Variants in RAD51B observed in about 807,000 individuals in gnomAD.
RAD51B encodes the protein DNA repair protein RAD51 homolog 2.
A neutral mutation model predicts 42.2 loss-of-function variants in RAD51B; 38 were observed. The ratio of observed to expected loss-of-function variants is 0.90; its 90% CI spans 0.70 to 1.18. The LOEUF (loss-of-function observed/expected upper bound fraction) is 1.18, where lower values mean the gene tolerates loss of function less well. Among genes scored for constraint, RAD51B ranks in the 50% most tolerant of loss-of-function variants. The pLI is 0.00. For missense variants in RAD51B, 373 were observed against 400.7 expected (o/e 0.93, Z 0.59); for synonymous variants, 154 against 145.2 (o/e 1.06, Z -0.43).
chr14:67,824,908 C>G (rs904917481), intron 2 of RAD51B, among the ~76,000 whole-genome samples: 8 of 151,112 alleles, frequency 5.3e-5, no homozygotes, highest in African/African-American at 1.9e-4. Flanking sequence ...GAACTCTTGT[C>G]TCTACTAAAA....
At chr14:68,490,972 G>A (rs540035602) in intron 10 of RAD51B, among the ~76,000 whole-genome samples, 18 of 152,342 alleles carry the variant, frequency 1.2e-4, no homozygotes, top group African/African-American at 4.1e-4. Flanking sequence ...TAACATGGTA[G>A]AAGCAAAACT....
intron 7 of RAD51B, among the ~76,000 whole-genome samples, chr14:68,085,919 TCTAG>T (rs1423801355): frequency 6.6e-6 from 1 of 152,072 alleles, no homozygotes. Flanking sequence ...CATGGCAGCG[TCTAG>T]GGGTGAATGT....
intron 7 of RAD51B, among the ~76,000 whole-genome samples, chr14:67,911,379 C>T (rs2043974011): frequency 6.6e-6 from 1 of 152,134 alleles, no homozygotes; most frequent in African/African-American, 2.4e-5. Flanking sequence ...AAGTCATATG[C>T]ACACAAAAGC....
chr14:68,502,598 C>T (rs562182847), intron 10 of RAD51B, among the ~76,000 whole-genome samples: 5 of 152,330 alleles, frequency 3.3e-5, no homozygotes, highest in African/African-American at 9.6e-5. Flanking sequence ...TGATGAGTGC[C>T]TACCTTTCGG....
intron 10 of RAD51B, among the ~76,000 whole-genome samples, chr14:68,604,251 C>T (rs985566285): frequency 6.6e-6 from 1 of 151,844 alleles, no homozygotes; most frequent in Non-Finnish European, 1.5e-5. Context: ...GCTGAAACTC[C>T]GAGAAACTCC....
chr14:68,149,110 T>C (rs1009625637), intron 7 of RAD51B, among the ~76,000 whole-genome samples: 1 of 152,188 alleles, frequency 6.6e-6, no homozygotes, highest in Admixed American at 6.5e-5. Context: ...GCAAGTCCTT[T>C]ATCAGATAGG....
At chr14:68,297,262 A>C (rs1213872834) in intron 8 of RAD51B, among the ~76,000 whole-genome samples, 1 of 152,214 alleles carries the variant, frequency 6.6e-6, no homozygotes, top group East Asian at 1.9e-4. Context: ...CTTGCTTTCC[A>C]GCTGGATCTG....
chr14:68,511,980 G>A (rs1045123862), intron 10 of RAD51B, among the ~76,000 whole-genome samples: 12 of 152,218 alleles, frequency 7.9e-5, no homozygotes, highest in African/African-American at 2.9e-4. Context: ...TCTAGAGGTG[G>A]AATAAAACAG....
intron 10 of RAD51B, among the ~76,000 whole-genome samples, chr14:68,648,113 G>GTA (rs35536124): frequency 0.064 from 3,813 of 59,976 alleles, 349 homozygotes; most frequent in African/African-American, 0.19. Context: ...ATACACACAC[G>GTA]TATATATATA....
At chr14:68,454,356 TA>T (rs1229377289) in intron 9 of RAD51B, among the ~76,000 whole-genome samples, 2 of 151,886 alleles carry the variant, frequency 1.3e-5, no homozygotes, top group Non-Finnish European at 2.9e-5. Context: ...GACAAAAACT[TA>T]AAAAAAACTT....
intron 7 of RAD51B, among the ~76,000 whole-genome samples, chr14:67,984,292 T>G (rs1010475551): frequency 1.3e-5 from 2 of 152,212 alleles, no homozygotes. Context: ...TGTCAATTTC[T>G]GATGAGTAAT....
chr14:67,991,839 A>G (rs1332113636), intron 7 of RAD51B, among the ~76,000 whole-genome samples: 1 of 152,154 alleles, frequency 6.6e-6, no homozygotes, highest in Non-Finnish European at 1.5e-5. Context: ...AAAAAGCTCT[A>G]AAAATATCAG....
intron 10 of RAD51B, among the ~76,000 whole-genome samples, chr14:68,602,805 C>T (rs1452672654): frequency 6.6e-6 from 1 of 152,214 alleles, no homozygotes; most frequent in Non-Finnish European, 1.5e-5. Context: ...TATCCGGGTA[C>T]TATGACCTAG....
At chr14:68,554,522 A>G (rs867715181) in intron 10 of RAD51B, among the ~76,000 whole-genome samples, 3 of 152,088 alleles carry the variant, frequency 2.0e-5, no homozygotes, top group African/African-American at 4.8e-5. Context: ...CTTTGCTTCA[A>G]TGTCACCTTC....
intron 8 of RAD51B, among the ~76,000 whole-genome samples, chr14:68,363,127 C>A (rs1000483984): frequency 6.6e-6 from 1 of 152,326 alleles, no homozygotes; most frequent in African/African-American, 2.4e-5. Flanking sequence ...TACATTGCCA[C>A]AGTTGAGACT....
chr14:68,299,733 A>C (rs1015931825), intron 8 of RAD51B, among the ~76,000 whole-genome samples: 1 of 152,212 alleles, frequency 6.6e-6, no homozygotes, highest in African/African-American at 2.4e-5. Flanking sequence ...CTCCAGAGGT[A>C]CATTTTTATC....
intron 10 of RAD51B, among the ~76,000 whole-genome samples, chr14:68,608,393 T>A (rs1486032468): frequency 2.0e-5 from 3 of 152,158 alleles, no homozygotes; most frequent in Admixed American, 1.3e-4. Flanking sequence ...TAGTGAGAGT[T>A]CCCTGGCTTG....
intron 10 of RAD51B, among the ~76,000 whole-genome samples, chr14:68,538,605 ATAGT>A (rs1318518120): frequency 6.6e-6 from 1 of 150,634 alleles, no homozygotes; most frequent in East Asian, 1.9e-4. Flanking sequence ...GAACGCCAAC[ATAGT>A]TTGTTTGGCT....
intron 7 of RAD51B, among the ~76,000 whole-genome samples, chr14:68,063,464 A>G (rs4899231): frequency 0.26 from 39,977 of 151,970 alleles, 6,899 homozygotes; most frequent in African/African-American, 0.49. Flanking sequence ...GGCTGGGCGC[A>G]GTGGCTCACA....
Sources: allele counts gnomAD v4.1 joint callset (sites outside exome capture counted in the v4.1 genomes callset), GRCh38; gene constraint gnomAD v4.1.1; transcripts MANE v1.5; gene names NCBI Gene and HGNC (gene_info 2026-07-23, HGNC 2026-07-21).